Variants in ASTN1 observed in about 807,000 individuals in gnomAD.
ASTN1 encodes astrotactin-1.
In ASTN1, 41 loss-of-function variants were observed where a neutral mutation model predicts 140.7. The observed-to-expected ratio is 0.29, with a 90% CI of 0.23 to 0.38. ASTN1 has a LOEUF of 0.38. Among genes scored for constraint, ASTN1 ranks in the 10% least tolerant of loss-of-function variants. The probability of loss-of-function intolerance (pLI) is 1.00; values close to 1 mark genes in which losing one functional copy is unlikely to be tolerated. For missense variants in ASTN1, 1,479 were observed against 1,678.8 expected (o/e 0.88, Z 2.08); for synonymous variants, 640 against 652.2 (o/e 0.98, Z 0.29).
intron 1 of ASTN1, among the ~76,000 whole-genome samples, chr1:177,066,531 T>G (rs1678364376): frequency 6.6e-6 from 1 of 152,132 alleles, no homozygotes; most frequent in African/African-American, 2.4e-5. Context: ...AAACTTTGCT[T>G]CAAAAATTCC....
intron 8 of ASTN1, among the ~76,000 whole-genome samples, chr1:176,979,238 C>T (rs473576): frequency 0.081 from 12,269 of 152,168 alleles, 1,592 homozygotes; most frequent in African/African-American, 0.27. Context: ...CCTACCACAC[C>T]AACCTTGCCC....
At chr1:176,995,716 T>C (rs1674407095) in intron 8 of ASTN1, among the ~76,000 whole-genome samples, 1 of 151,998 alleles carries the variant, frequency 6.6e-6, no homozygotes, top group African/African-American at 2.4e-5. Context: ...GGGTCATTGG[T>C]GGATTGGGGC....
chr1:177,114,624 TCA>T (rs932897223), intron 1 of ASTN1, among the ~76,000 whole-genome samples: 5 of 152,136 alleles, frequency 3.3e-5, no homozygotes, highest in East Asian at 1.9e-4. Flanking sequence ...CCAGAATTCC[TCA>T]GTTTTTCTTA....
In ASTN1 at chr1:177,086,217, C is replaced by T. The variant is rs1679461957; in HGVS notation, c.284-24952G>A. ...ACCCACCCCCACCTGCTGCCTTTCC[C>T]TAGTGAGCTTCTTTCCTCTTTCTTG... On this transcript the variant is annotated intron_variant, in intron 1 of 22. Transcript: ENST00000361833. Among the ~76,000 whole-genome samples the T allele has an allele frequency of 3.4e-5, 5 of 147,340 alleles. No individual in the cohort carries two copies. In the South Asian group the frequency reaches 1.2e-3, roughly 34 times the overall value.
At chr1:176,944,114 GT>G (rs1671854189) in intron 13 of ASTN1, 96 bp from the exon 14 acceptor site, 2 of 1,495,514 alleles carry the variant, frequency 1.3e-6, no homozygotes, top group East Asian at 4.7e-5. Flanking sequence ...TTTCACTCTT[GT>G]TGCCCAGGCT....
At chr1:176,963,224 G>A (rs1672740701) in intron 9 of ASTN1, among the ~76,000 whole-genome samples, 1 of 152,136 alleles carries the variant, frequency 6.6e-6, no homozygotes, top group Admixed American at 6.5e-5. Context: ...CTATTTCAGA[G>A]TCCAGAGAGA....
At chr1:176,936,021 C>A (rs1671427794) in intron 15 of ASTN1, 1 of 560,222 alleles carries the variant, frequency 1.8e-6, no homozygotes, top group Admixed American at 2.7e-5. Context: ...TTCAATGGCT[C>A]CAGTCTTGCC....
At position 176,862,155 on chromosome 1, in the gene ASTN1, C is replaced by A; in HGVS notation, c.*2129G>T. The A allele has an allele frequency of 1.0e-6, 1 of 985,468 alleles. No homozygotes were observed. Among genetic ancestry groups the A allele is most frequent in the Non-Finnish European group, 1.2e-6 (1 of 829,962 alleles). 61.0% of individuals were successfully genotyped at this position (985,468 alleles called of 1,614,324 possible). A position where few individuals can be genotyped will look rare whatever the true frequency, so the allele number is the denominator to read the frequency against. The stretch of plus-strand genomic sequence containing the variant: ...ATATTTGCCCCTTGAGGCACTTTAA[C>A]TGAGGCTCCAGCATTTGCCACAGGT... On this transcript the variant is annotated 3_prime_UTR_variant, in exon 23 of 23. Transcript: ENST00000361833.
chr1:176,934,287 C>T lies in ASTN1; in HGVS notation c.2536G>A (p.Val846Met), dbSNP rs1571531430. ...LDGATSRADF[V>M]ALLDQFGNHY... ...TTGCCGAACTGGTCCAACAGCGCCACAAAATCTGCACGAGATGTAGCCCCA... is the reference window on the plus strand; with the variant it reads ...TTGCCGAACTGGTCCAACAGCGCCATAAAATCTGCACGAGATGTAGCCCCA... The change falls in exon 16 of 23, where the codon GTG (valine) becomes ATG (methionine). Residue 846 changes from valine to methionine, a missense_variant. Physicochemically the swap from Val to Met is conservative, Grantham distance 21. Transcript: ENST00000361833. 1 of 1,613,970 alleles carries T rather than the reference C, an allele frequency of 6.2e-7. No homozygotes were observed. The highest frequency in any genetic ancestry group is 8.5e-7 in the Non-Finnish European group (1 of 1,179,914).
At chr1:177,084,905 A>G (rs1316902061) in intron 1 of ASTN1, among the ~76,000 whole-genome samples, 2 of 151,976 alleles carry the variant, frequency 1.3e-5, no homozygotes, top group African/African-American at 4.8e-5. Context: ...ACCCACTGAC[A>G]TCTGTTTCTG....
chr1:177,086,794 AT>A (rs1373564227), intron 1 of ASTN1, among the ~76,000 whole-genome samples: 10 of 152,042 alleles, frequency 6.6e-5, no homozygotes, highest in Non-Finnish European at 1.3e-4. Flanking sequence ...TCTTCTCTAT[AT>A]TTTTCTGCTT....
intron 1 of ASTN1, among the ~76,000 whole-genome samples, chr1:177,124,214 A>T (rs1309265393): frequency 6.6e-6 from 1 of 152,186 alleles, no homozygotes; most frequent in Non-Finnish European, 1.5e-5. Flanking sequence ...AATCCCAGTT[A>T]GGATCCTCAG....
At chr1:176,968,231 G>A (rs775552310) in intron 8 of ASTN1, among the ~76,000 whole-genome samples, 5 of 152,236 alleles carry the variant, frequency 3.3e-5, no homozygotes, top group Admixed American at 6.5e-5. Context: ...AGAACAGTGC[G>A]TGGCATTTAG....
At chr1:177,111,566 C>T (rs1260455757) in intron 1 of ASTN1, among the ~76,000 whole-genome samples, 1 of 152,196 alleles carries the variant, frequency 6.6e-6, no homozygotes, top group East Asian at 1.9e-4. Flanking sequence ...TAAATACACA[C>T]TCTTCTGCCA....
chr1:176,914,053 T>C (rs898963116), intron 16 of ASTN1, among the ~76,000 whole-genome samples: 10 of 152,122 alleles, frequency 6.6e-5, no homozygotes, highest in African/African-American at 1.9e-4. Flanking sequence ...CTAAGTCTCA[T>C]GGGGAAGGGT....
chr1:177,043,485 T>C (rs192471402), intron 2 of ASTN1, among the ~76,000 whole-genome samples: 1 of 152,326 alleles, frequency 6.6e-6, no homozygotes, highest in East Asian at 1.9e-4. Context: ...TTAATGCTAG[T>C]CGAAAACAGA....
At chr1:176,999,553 C>T (rs934923093) in intron 8 of ASTN1, among the ~76,000 whole-genome samples, 1 of 152,194 alleles carries the variant, frequency 6.6e-6, no homozygotes, top group Non-Finnish European at 1.5e-5. Context: ...GGGTTAAGTT[C>T]AACCTTCAGG....
At chr1:177,097,159 C>A (rs1050707243) in intron 1 of ASTN1, among the ~76,000 whole-genome samples, 2 of 152,152 alleles carry the variant, frequency 1.3e-5, no homozygotes, top group African/African-American at 4.8e-5. Context: ...TTCCTCATTT[C>A]TTCCCCAGGC....
At chr1:177,113,227 C>T (rs1680906451) in intron 1 of ASTN1, among the ~76,000 whole-genome samples, 1 of 152,098 alleles carries the variant, frequency 6.6e-6, no homozygotes, top group Non-Finnish European at 1.5e-5. Context: ...CACACTTGCT[C>T]CAAACCAGGC....
Sources: allele counts gnomAD v4.1 joint callset (sites outside exome capture counted in the v4.1 genomes callset), GRCh38; gene constraint gnomAD v4.1.1; transcripts MANE v1.5; gene names NCBI Gene and HGNC (gene_info 2026-07-23, HGNC 2026-07-21).